LIMCH1: variants seen among roughly 807,000 people sequenced by gnomAD.
LIMCH1 encodes LIM and calponin homology domains-containing protein 1.
A neutral mutation model predicts 176.5 loss-of-function variants in LIMCH1; 113 were observed. The observed-to-expected ratio is 0.64, with a 90% CI of 0.55 to 0.75. The LOEUF is 0.75. LIMCH1 is among the 30% of genes least tolerant of loss of function. LIMCH1 has a pLI of 0.00. For missense variants in LIMCH1, 1,674 were observed against 1,814.9 expected (o/e 0.92, Z 1.41); for synonymous variants, 619 against 645.9 (o/e 0.96, Z 0.63).
At chr4:41,384,398 C>T (rs1195924420) in intron 1 of LIMCH1, among the ~76,000 whole-genome samples, 7 of 151,532 alleles carry the variant, frequency 4.6e-5, no homozygotes, top group Admixed American at 6.6e-5. Flanking sequence ...TTAGTAGAGA[C>T]GGGGTTTCAC....
intron 4 of LIMCH1, among the ~76,000 whole-genome samples, chr4:41,607,378 A>G (rs2090870105): frequency 1.3e-5 from 2 of 152,250 alleles, no homozygotes; most frequent in Admixed American, 6.5e-5. Flanking sequence ...GTCATAACGC[A>G]CATACACAAG....
At chr4:41,684,592 G>A in intron 27 of LIMCH1, 74 bp downstream of exon 27, 1 of 1,542,148 alleles carries the variant, frequency 6.5e-7, no homozygotes, top group South Asian at 1.2e-5. Context: ...AGAAAGCTAT[G>A]ATCTCTGCTG....
At chr4:41,524,393 G>A (rs755866831) in intron 2 of LIMCH1, 2 of 1,609,144 alleles carry the variant, frequency 1.2e-6, no homozygotes, top group African/African-American at 2.7e-5. Context: ...TTGACATTCT[G>A]CCTTTTTCAT....
intron 4 of LIMCH1, chr4:41,609,641 G>C (rs1278543255): frequency 4.4e-6 from 2 of 455,840 alleles, no homozygotes; most frequent in African/African-American, 4.0e-5. Flanking sequence ...TCTGAGAAAG[G>C]GGGATAGGAG....
intron 2 of LIMCH1, among the ~76,000 whole-genome samples, chr4:41,518,567 C>G (rs2075817947): frequency 6.6e-6 from 1 of 152,086 alleles, no homozygotes; most frequent in Non-Finnish European, 1.5e-5. Flanking sequence ...ACAATTGTTT[C>G]TTTTTTGTTG....
chr4:41,691,891 C>T (rs1220791474), intron 30 of LIMCH1, among the ~76,000 whole-genome samples: 1 of 152,126 alleles, frequency 6.6e-6, no homozygotes, highest in Non-Finnish European at 1.5e-5. Context: ...AACTCATTGG[C>T]CATGTGTTTA....
At chr4:41,360,560 C>T (rs1164905047), upstream of LIMCH1, 2 of 211,852 alleles carry the variant, frequency 9.4e-6, no homozygotes, top group Admixed American at 5.9e-5. The surrounding 1 kb of genome is among the most constrained non-coding windows in gnomAD (Gnocchi z 4.5). Flanking sequence ...TCCCCGGGGG[C>T]GGAGCGGCCC....
chr4:41,478,034 C>T (rs548393106), intron 1 of LIMCH1, among the ~76,000 whole-genome samples: 36 of 152,084 alleles, frequency 2.4e-4, no homozygotes, highest in Non-Finnish European at 2.8e-4. Context: ...CTGAGTACAA[C>T]TAAGTGGAAA....
upstream of LIMCH1, among the ~76,000 whole-genome samples, chr4:41,537,636 T>G (rs907833831): frequency 6.6e-6 from 1 of 152,212 alleles, no homozygotes; most frequent in Non-Finnish European, 1.5e-5. Flanking sequence ...TTTCCTCATC[T>G]ATAAGATGGG....
intron 2 of LIMCH1, among the ~76,000 whole-genome samples, chr4:41,519,644 A>G (rs2075925176): frequency 6.6e-6 from 1 of 152,174 alleles, no homozygotes; most frequent in South Asian, 2.1e-4. Flanking sequence ...AGCAAAACTT[A>G]TTTTGGTTTT....
chr4:41,403,982 T>C (rs2058715443), intron 1 of LIMCH1, among the ~76,000 whole-genome samples: 2 of 152,208 alleles, frequency 1.3e-5, no homozygotes, highest in African/African-American at 4.8e-5. Flanking sequence ...TTTGGGGAAC[T>C]GAGAAGTGTT....
intron 3 of LIMCH1, among the ~76,000 whole-genome samples, chr4:41,604,780 TCA>T (rs1306546693): frequency 6.6e-6 from 1 of 152,160 alleles, no homozygotes; most frequent in African/African-American, 2.4e-5. Flanking sequence ...AGCAATCAGT[TCA>T]AAAGGATGTT....
intron 6 of LIMCH1, 22 bp downstream of exon 6, chr4:41,619,462 C>A (rs780355402): frequency 3.1e-6 from 5 of 1,602,792 alleles, no homozygotes; most frequent in Non-Finnish European, 3.4e-6. Flanking sequence ...GCACCGCTGC[C>A]CTCTTCCTGG....
At chr4:41,419,654 T>TGCCCTTTTCCCTCCTC in intron 1 of LIMCH1, among the ~76,000 whole-genome samples, 25 of 47,824 alleles carry the variant, frequency 5.2e-4, no homozygotes, top group African/African-American at 3.3e-3. Context: ...TTCTTCCTCC[T>TGCCCTTTTCCCTCCTC]TCCTTCCTTC....
rs111825055 is a variant in LIMCH1 at position 41,597,798 on chromosome 4, G to A, written c.-240-1122G>A. Among the ~76,000 whole-genome samples, 39 of 152,276 alleles carry A rather than the reference G, an allele frequency of 2.6e-4. 1 individual carries two copies. Among genetic ancestry groups the A allele is most frequent in the African/African-American group, 8.4e-4 (35 of 41,550 alleles). On this transcript the variant is annotated intron_variant, in intron 1 of 31. Transcript: ENST00000503057. ...GCTAGTGACATATCACAGAGTTATA[G>A]CCCATCATATTCACAGATTTCACTT...
chr4:41,478,692 T>A (rs2068105042), intron 1 of LIMCH1, among the ~76,000 whole-genome samples: 1 of 152,212 alleles, frequency 6.6e-6, no homozygotes, highest in Admixed American at 6.5e-5. Flanking sequence ...TTCTAGTTCT[T>A]TGCCTGAACT....
chr4:41,503,524 C>G (rs1159827381), intron 2 of LIMCH1, among the ~76,000 whole-genome samples: 1 of 152,154 alleles, frequency 6.6e-6, no homozygotes, highest in East Asian at 1.9e-4. Flanking sequence ...AAAAGGTGAG[C>G]TTAAGAGTGG....
intron 1 of LIMCH1, among the ~76,000 whole-genome samples, chr4:41,484,411 T>C (rs2069169448): frequency 6.6e-6 from 1 of 152,220 alleles, no homozygotes; most frequent in Non-Finnish European, 1.5e-5. Context: ...TCCATCAATG[T>C]TTACAAAGCA....
intron 1 of LIMCH1, among the ~76,000 whole-genome samples, chr4:41,366,076 AC>A (rs1464146765): frequency 6.6e-6 from 1 of 152,242 alleles, no homozygotes; most frequent in African/African-American, 2.4e-5. Context: ...CTCTAGGAGT[AC>A]TAGAAATTGG....
Sources: gnomAD v4.1 joint callset for allele counts (sites outside exome capture counted in the v4.1 genomes callset) on GRCh38, gnomAD v4.1.1 for gene constraint, Gnocchi (gnomAD v3.1) non-coding constraint, MANE v1.5 for transcripts, NCBI Gene and HGNC (gene_info 2026-07-23, HGNC 2026-07-21) for gene names.